Variants in RBFOX1 observed in about 807,000 individuals in gnomAD.
RBFOX1 encodes the protein RNA binding protein fox-1 homolog 1.
Under a neutral mutation model 57.7 loss-of-function variants are expected in RBFOX1, and 8 were observed. The observed-to-expected ratio is 0.14, with a 90% CI of 0.08 to 0.25. The LOEUF (loss-of-function observed/expected upper bound fraction) is 0.25. Ranked by LOEUF, RBFOX1 falls within the 10% of genes least tolerant of loss-of-function variation. The pLI, the probability that RBFOX1 is intolerant of heterozygous loss-of-function variation, is 1.00. For missense variants in RBFOX1, 611 were observed against 548.5 expected, an observed-to-expected ratio of 1.11 and a Z score of -1.14; for synonymous variants, 326 against 222.4, an observed-to-expected ratio of 1.47 and a Z score of -4.15.
intron 3 of RBFOX1, among the ~76,000 whole-genome samples, chr16:6,870,727 T>G (rs1397406678): frequency 6.6e-6 from 1 of 152,284 alleles, no homozygotes; most frequent in Non-Finnish European, 1.5e-5. Flanking sequence ...GAATAATTAT[T>G]TCACCACCAA....
intron 2 of RBFOX1, among the ~76,000 whole-genome samples, chr16:6,460,230 C>T (rs571762596): frequency 7.9e-4 from 120 of 152,048 alleles, no homozygotes; most frequent in African/African-American, 2.6e-3. Context: ...TTGGCTTGTA[C>T]GTGGCCATCT....
chr16:6,306,316 C>G (rs899296803), intron 1 of RBFOX1, among the ~76,000 whole-genome samples: 6 of 152,290 alleles, frequency 3.9e-5, no homozygotes, highest in African/African-American at 1.4e-4. Flanking sequence ...GGAAACCACA[C>G]AGGGGATCTC....
intron 4 of RBFOX1, among the ~76,000 whole-genome samples, chr16:7,156,295 T>C (rs967548492): frequency 1.3e-5 from 2 of 149,358 alleles, no homozygotes; most frequent in African/African-American, 5.0e-5. Context: ...CATGTAGATA[T>C]AGGTAGTGTA....
chr16:6,866,806 T>A (rs2060014840), intron 3 of RBFOX1, among the ~76,000 whole-genome samples: 1 of 152,054 alleles, frequency 6.6e-6, no homozygotes. Context: ...CCTCCCAAAC[T>A]GCTGGGATTA....
chr16:7,020,376 T>G (rs1238933675), intron 3 of RBFOX1, among the ~76,000 whole-genome samples: 4 of 151,942 alleles, frequency 2.6e-5, no homozygotes, highest in African/African-American at 9.7e-5. Flanking sequence ...CAGGCTGCCA[T>G]GCCCAGCTAC....
chr16:6,967,961 G>T (rs1023527994), intron 3 of RBFOX1, among the ~76,000 whole-genome samples: 2 of 152,146 alleles, frequency 1.3e-5, no homozygotes, highest in South Asian at 2.1e-4. Flanking sequence ...AAAAACGCTC[G>T]GGGAGAGAGG....
intron 3 of RBFOX1, among the ~76,000 whole-genome samples, chr16:6,854,043 T>C (rs72768844): frequency 0.21 from 32,398 of 152,102 alleles, 4,317 homozygotes; most frequent in Admixed American, 0.36. Flanking sequence ...CCTCAGGCAG[T>C]TAAGTCTTTG....
At chr16:5,394,994 C>A (rs1032490797) in intron 1 of RBFOX1, among the ~76,000 whole-genome samples, 1 of 152,206 alleles carries the variant, frequency 6.6e-6, no homozygotes, top group Non-Finnish European at 1.5e-5. Context: ...CCTGTACCTT[C>A]ATTGGCTCCC....
chr16:5,268,361 T>C (rs182912939), intron 1 of RBFOX1, among the ~76,000 whole-genome samples: 198 of 152,356 alleles, frequency 1.3e-3, no homozygotes, highest in African/African-American at 4.5e-3. Flanking sequence ...TTGGAGTATG[T>C]GGAATTGGAA....
intron 2 of RBFOX1, among the ~76,000 whole-genome samples, chr16:6,470,328 C>T (rs977681926): frequency 7.2e-5 from 11 of 152,250 alleles, no homozygotes; most frequent in Admixed American, 1.3e-4. Flanking sequence ...AATTCATTTT[C>T]GTAGGTATAA....
At chr16:6,882,576 G>T (rs80337033) in intron 3 of RBFOX1, among the ~76,000 whole-genome samples, 1 of 152,058 alleles carries the variant, frequency 6.6e-6, no homozygotes, top group African/African-American at 2.4e-5. Flanking sequence ...AGCCTCGGTG[G>T]CAGAGTTAAA....
intron 2 of RBFOX1, among the ~76,000 whole-genome samples, chr16:5,526,533 C>T (rs533925068): frequency 3.3e-5 from 5 of 152,256 alleles, no homozygotes; most frequent in Admixed American, 6.5e-5. Flanking sequence ...AAGAGATCTG[C>T]CCACCTCAGC....
intron 3 of RBFOX1, among the ~76,000 whole-genome samples, chr16:5,726,994 C>G (rs1462807107): frequency 6.6e-6 from 1 of 152,210 alleles, no homozygotes; most frequent in African/African-American, 2.4e-5. Flanking sequence ...CATGGTGGCT[C>G]ATGCCTGTAA....
intron 3 of RBFOX1, among the ~76,000 whole-genome samples, chr16:6,932,855 T>C (rs1223215384): frequency 6.6e-6 from 1 of 152,218 alleles, no homozygotes; most frequent in Non-Finnish European, 1.5e-5. Flanking sequence ...ACATTATTCA[T>C]CTTGTAAAAC....
In RBFOX1 at chr16:7,124,588, A is replaced by G. The variant is rs559086080; in HGVS notation, c.27+72490A>G. Among the ~76,000 whole-genome samples, 365 of 124,108 alleles carry G rather than the reference A, an allele frequency of 2.9e-3. 2 individuals are homozygous for G. Among genetic ancestry groups the G allele is most frequent in the African/African-American group, 0.011 (355 of 32,804 alleles). The allele number at this position is 124,108 out of a possible 152,430, so 81.4% of individuals were successfully genotyped here. ...CTTCCTTCCTTCCTTCCTTCCTGTA[A>G]TAAGTTGTGAGTTTTCTCATAATGT... On this transcript the variant is annotated intron_variant, in intron 4 of 15. Transcript: ENST00000550418.
chr16:6,101,085 A>G (rs2096301844), intron 1 of RBFOX1, among the ~76,000 whole-genome samples: 1 of 152,212 alleles, frequency 6.6e-6, no homozygotes, highest in African/African-American at 2.4e-5. Context: ...CCAAGCTCCA[A>G]AAACCATCTG....
At chr16:5,320,144 G>C (rs1044332864) in intron 1 of RBFOX1, among the ~76,000 whole-genome samples, 2 of 152,222 alleles carry the variant, frequency 1.3e-5, no homozygotes, top group Non-Finnish European at 2.9e-5. Context: ...GTATGAACAT[G>C]TGTTTATGTG....
At chr16:5,996,311 C>T (rs1189469376) in intron 4 of RBFOX1, among the ~76,000 whole-genome samples, 1 of 152,182 alleles carries the variant, frequency 6.6e-6, no homozygotes, top group Admixed American at 6.5e-5. Flanking sequence ...GTAGACTCCA[C>T]AGAAGGCATG....
intron 2 of RBFOX1, among the ~76,000 whole-genome samples, chr16:5,584,936 G>A (rs1184774684): frequency 6.6e-6 from 1 of 152,082 alleles, no homozygotes; most frequent in African/African-American, 2.4e-5. Flanking sequence ...AAAAAATACG[G>A]TCAAAGCACA....
Sources: allele counts gnomAD v4.1 joint callset (sites outside exome capture counted in the v4.1 genomes callset), GRCh38; gene constraint gnomAD v4.1.1; transcripts MANE v1.5; gene names NCBI Gene and HGNC (gene_info 2026-07-23, HGNC 2026-07-21).